Variants in SOS1 observed in about 807,000 individuals in gnomAD.
SOS1 encodes SOS Ras/Rac guanine nucleotide exchange factor 1, also known as son of sevenless homolog 1.
SOS1 carries 25 observed loss-of-function variants against 157.6 expected under a neutral mutation model. That is an observed-to-expected ratio of 0.16 (90% confidence interval 0.12 to 0.22). The LOEUF (loss-of-function observed/expected upper bound fraction) is 0.22, where lower values mean the gene tolerates loss of function less well. Ranked by LOEUF, SOS1 falls within the 10% of genes least tolerant of loss-of-function variation. SOS1 has a pLI of 1.00. For missense variants in SOS1, 1,237 were observed against 1,599.1 expected, an observed-to-expected ratio of 0.77 and a Z score of 3.86; for synonymous variants, 528 against 534.0, an observed-to-expected ratio of 0.99 and a Z score of 0.16.
rs2124479716 is a variant in SOS1, at chr2:38,997,418, A to G, written c.2799T>C (p.Tyr933=). The change falls in exon 18 of 23, where the codon TAT becomes TAC. Residue 933 remains tyrosine (Y), a synonymous_variant. Coordinates refer to ENST00000402219, the MANE Select transcript of SOS1 (RefSeq NM_005633.4). The part of the protein sequence containing the change: ...NPPCVPFFGI[Y]LTNILKTEEG... ...CTTCTGTTTTCAAGATATTAGTGAGATAAATTCCTAGAAGATATAATGGAA... is the reference window on the plus strand; with the variant it reads ...CTTCTGTTTTCAAGATATTAGTGAGGTAAATTCCTAGAAGATATAATGGAA... 6.2e-7 allele frequency: 1 copy of G among 1,601,622 alleles called. No homozygotes were observed. Among genetic ancestry groups the G allele is most frequent in the Non-Finnish European group, 8.5e-7 (1 of 1,169,698 alleles).
In SOS1 at chr2:39,022,677, T is replaced by A; in HGVS notation, c.1751A>T (p.Glu584Val). ...VYRFAEPDSEENIIFEENMQP... is the reference protein window; with the variant it reads ...VYRFAEPDSEVNIIFEENMQP... The stretch of plus-strand genomic sequence containing the variant: ...CATGTTCTCTTCAAATATAATATTC[T>A]CTTCAGAGTCAGGCTCTGCAAATCT... Residue 584 changes from glutamate to valine, a missense_variant, in exon 10 of 23, where the codon GAG (glutamate) becomes GTG (valine). Physicochemically the swap from Glu to Val is moderately radical, Grantham distance 121 (BLOSUM62 -2). Transcript: ENST00000402219. The A allele has an allele frequency of 6.2e-7, 1 of 1,613,376 alleles. No individual in the cohort carries two copies. Among genetic ancestry groups the A allele is most frequent in the Middle Eastern group, 1.6e-4 (1 of 6,062 alleles).
chr2:39,122,560 G>A (rs1420424387), upstream of SOS1, among the ~76,000 whole-genome samples: 1 of 152,032 alleles, frequency 6.6e-6, no homozygotes, highest in African/African-American at 2.4e-5. Context: ...TTTGAGTTCA[G>A]GAGTTTGAGA....
At chr2:39,038,298 T>A (rs773752589) in intron 6 of SOS1, among the ~76,000 whole-genome samples, 2 of 152,152 alleles carry the variant, frequency 1.3e-5, no homozygotes, top group Non-Finnish European at 2.9e-5. Flanking sequence ...AGTTCAAGAC[T>A]TTAGTTGGAG....
chr2:39,108,673 G>A (rs1481418662), intron 1 of SOS1, among the ~76,000 whole-genome samples: 2 of 152,154 alleles, frequency 1.3e-5, no homozygotes, highest in Admixed American at 1.3e-4. Flanking sequence ...AGGATCACTT[G>A]AGGCCAGGAG....
chr2:39,013,384 A>G, intron 13 of SOS1, 76 bp downstream of exon 13: 1 of 877,898 alleles, frequency 1.1e-6, no homozygotes. Context: ...ACTGAGCCCC[A>G]ATGACATCAA....
intron 15 of SOS1, among the ~76,000 whole-genome samples, chr2:39,010,135 A>T (rs1205084908): frequency 6.6e-6 from 1 of 151,782 alleles, no homozygotes; most frequent in Non-Finnish European, 1.5e-5. Context: ...GGCCAATGTG[A>T]TGAAACCCCA....
chr2:39,049,355 A>C (rs1670918066), intron 6 of SOS1, among the ~76,000 whole-genome samples: 1 of 152,204 alleles, frequency 6.6e-6, no homozygotes. Flanking sequence ...ATACTACATG[A>C]GTTATTTCAA....
intron 6 of SOS1, among the ~76,000 whole-genome samples, chr2:39,045,271 A>AGTGTGTGT (rs1378934092): frequency 5.1e-4 from 36 of 71,156 alleles, no homozygotes; most frequent in African/African-American, 2.7e-3. Context: ...AGAGAGAGAG[A>AGTGTGTGT]GAGTGTGTGT....
intron 11 of SOS1, 97 bp downstream of exon 11, chr2:39,014,668 T>C (rs1169973491): frequency 1.6e-6 from 1 of 609,114 alleles, no homozygotes; most frequent in Non-Finnish European, 2.9e-6. Context: ...TTGTGAAGTA[T>C]ATTTTAAAGC....
At chr2:39,066,028 C>T (rs1210948879) in intron 2 of SOS1, among the ~76,000 whole-genome samples, 2 of 152,150 alleles carry the variant, frequency 1.3e-5, no homozygotes, top group Admixed American at 6.5e-5. Flanking sequence ...TATCCAATTT[C>T]GATTCAGTGA....
intron 17 of SOS1, among the ~76,000 whole-genome samples, chr2:39,003,259 G>A (rs1208818633): frequency 1.3e-5 from 2 of 152,074 alleles, no homozygotes; most frequent in Admixed American, 1.3e-4. Context: ...ATTAAAAAAA[G>A]TTTGTAGATA....
chr2:39,085,629 T>C (rs987056392), intron 1 of SOS1, among the ~76,000 whole-genome samples: 3 of 152,236 alleles, frequency 2.0e-5, no homozygotes, highest in Non-Finnish European at 4.4e-5. Context: ...TCACGTTCCT[T>C]GATATACAAC....
At chr2:39,097,017 A>T (rs1471004657) in intron 1 of SOS1, among the ~76,000 whole-genome samples, 1 of 152,198 alleles carries the variant, frequency 6.6e-6, no homozygotes, top group African/African-American at 2.4e-5. Context: ...GGATTAAGAG[A>T]TTTAACCAAT....
At chr2:39,081,979 A>G (rs1672216512) in intron 1 of SOS1, among the ~76,000 whole-genome samples, 1 of 152,320 alleles carries the variant, frequency 6.6e-6, no homozygotes, top group Non-Finnish European at 1.5e-5. Flanking sequence ...CTTGATACAG[A>G]TATGTAATGC....
At chr2:39,095,334 G>T (rs1444771932) in intron 1 of SOS1, among the ~76,000 whole-genome samples, 2 of 152,164 alleles carry the variant, frequency 1.3e-5, no homozygotes, top group Non-Finnish European at 2.9e-5. Context: ...ACTACTTGAG[G>T]ACTGGTAGAT....
chr2:39,056,922 C>G, intron 3 of SOS1, 56 bp from the exon 4 acceptor site: 1 of 1,220,376 alleles, frequency 8.2e-7, no homozygotes, highest in African/African-American at 1.5e-5. Context: ...ATTTAACACA[C>G]TGATTAAAAA....
chr2:38,995,200 G>A lies in SOS1; in HGVS notation c.3269C>T (p.Pro1090Leu), dbSNP rs730881034. 126 of 1,613,814 alleles carry A rather than the reference G, an allele frequency of 7.8e-5. 3 individuals carry two copies. The Middle Eastern group carries it at 5.4e-3, about 69-fold the overall frequency. Residue 1090 changes from proline (P) to leucine (L), a missense_variant, in exon 20 of 23, where the codon CCG (proline) becomes CTG (leucine). This residue lies in a region of SOS1 where 306 missense variants were observed against 322.6 expected (regional missense o/e 0.95). Coordinates refer to ENST00000402219, the MANE Select transcript of SOS1 (RefSeq NM_005633.4). ...PNSPRTPLTP[P>L]PASGASSTTD... Reference sequence around the variant, plus strand: ...GGTACTGGAAGCACCAGAAGCAGGCGGAGGTGTTAACGGTGTTCTTGGAGA... The same window carrying A: ...GGTACTGGAAGCACCAGAAGCAGGCAGAGGTGTTAACGGTGTTCTTGGAGA...
chr2:39,107,663 G>GAAAAAA (rs11464462), intron 1 of SOS1, among the ~76,000 whole-genome samples: 1 of 96,258 alleles, frequency 1.0e-5, no homozygotes. Context: ...ACACTAAAAA[G>GAAAAAA]AAAAAAAAAA....
At chr2:39,051,519 G>C (rs1266129260) in intron 5 of SOS1, among the ~76,000 whole-genome samples, 1 of 151,916 alleles carries the variant, frequency 6.6e-6, no homozygotes, top group Non-Finnish European at 1.5e-5. Context: ...TCTGGTCTCA[G>C]GACTCCTTCA....
Sources: allele counts gnomAD v4.1 joint callset (sites outside exome capture counted in the v4.1 genomes callset), GRCh38; gene constraint gnomAD v4.1.1; regional missense constraint gnomAD v4.1.1; transcripts MANE v1.5; gene names NCBI Gene and HGNC (gene_info 2026-07-23, HGNC 2026-07-21).